The following SORCS1 variants were observed in gnomAD, a reference collection of about 807,000 sequenced individuals.
The protein encoded by SORCS1 is sortilin related VPS10 domain containing receptor 1.
Under a neutral mutation model 146.1 loss-of-function variants are expected in SORCS1, and 60 were observed. That is an observed-to-expected ratio of 0.41 (90% CI 0.33 to 0.51). The LOEUF (loss-of-function observed/expected upper bound fraction) is 0.51, where lower values mean the gene tolerates loss of function less well. Among genes scored for constraint, SORCS1 ranks in the 20% least tolerant of loss-of-function variants. The pLI, the probability that SORCS1 is intolerant of heterozygous loss-of-function variation, is 0.21. For synonymous variants in SORCS1, 637 were observed against 584.0 expected, an observed-to-expected ratio of 1.09 and a Z score of -1.31; for missense variants, 1,352 against 1,487.6, an observed-to-expected ratio of 0.91 and a Z score of 1.50.
At chr10:106,660,884 G>T (rs770245051) in intron 17 of SORCS1, among the ~76,000 whole-genome samples, 86 of 152,036 alleles carry the variant, frequency 5.7e-4, no homozygotes, top group Non-Finnish European at 1.1e-3. Flanking sequence ...ATTTCTAAAC[G>T]TACTTTATAA....
chr10:106,820,990 A>G (rs924441972), intron 3 of SORCS1, among the ~76,000 whole-genome samples: 10 of 152,252 alleles, frequency 6.6e-5, no homozygotes, highest in Non-Finnish European at 1.5e-4. Context: ...AGCTCTAATA[A>G]GGACAGATGA....
At chr10:106,731,292 CAAAAA>C (rs57238882) in intron 5 of SORCS1, among the ~76,000 whole-genome samples, 668 of 23,766 alleles carry the variant, frequency 0.028, 8 homozygotes, top group African/African-American at 0.087. Flanking sequence ...GACTCCGTCT[CAAAAA>C]AAAAAAAAAA....
At chr10:107,130,539 A>G (rs1023608302) in intron 1 of SORCS1, among the ~76,000 whole-genome samples, 1 of 152,228 alleles carries the variant, frequency 6.6e-6, no homozygotes, top group Non-Finnish European at 1.5e-5. Context: ...AAGGAGTTCA[A>G]CATCGTAACA....
Position 107,156,249 on chromosome 10 carries a change from T to C in SORCS1, c.558+7720A>G, listed in dbSNP as rs548434278. On this transcript the variant is annotated intron_variant, in intron 1 of 25. Coordinates refer to ENST00000263054, the MANE Select transcript of SORCS1 (RefSeq NM_052918.5). ...TACAAAAATAAACCCATACAAAGCA[T>C]GATTTATAGCACAAAGAGCTTTGGT... Among the ~76,000 whole-genome samples the C allele has an allele frequency of 1.2e-4, 18 of 152,312 alleles. No homozygotes were observed. In the East Asian group the frequency reaches 3.1e-3, roughly 26 times the overall value.
Position 106,577,179 on chromosome 10 carries a change from T to C in SORCS1, c.*241A>G. The C allele has an allele frequency of 6.9e-7, 1 of 1,450,710 alleles. No individual in the cohort carries two copies. Among genetic ancestry groups the C allele is most frequent in the Admixed American group, 2.0e-5 (1 of 50,958 alleles). The allele number at this position is 1,450,710 out of a possible 1,614,324, so 89.9% of individuals were successfully genotyped here. ...ATTTTGATTGTTTATATTTTATGTTTTGTTTTGTTTTTGTTTTTGTTTTTT... is the reference window on the plus strand; with the variant it reads ...ATTTTGATTGTTTATATTTTATGTTCTGTTTTGTTTTTGTTTTTGTTTTTT... On this transcript the variant is annotated 3_prime_UTR_variant, in exon 26 of 26. Coordinates refer to ENST00000263054, the MANE Select transcript of SORCS1 (RefSeq NM_052918.5).
intron 24 of SORCS1, among the ~76,000 whole-genome samples, chr10:106,587,765 T>C (rs113891558): frequency 2.6e-5 from 4 of 152,368 alleles, no homozygotes; most frequent in African/African-American, 9.6e-5. Flanking sequence ...AAGGACAGTT[T>C]TCCTGAACCG....
At chr10:107,010,731 G>A (rs1326458895) in intron 1 of SORCS1, among the ~76,000 whole-genome samples, 2 of 152,160 alleles carry the variant, frequency 1.3e-5, no homozygotes, top group South Asian at 2.1e-4. Context: ...ATAAGTTGGC[G>A]GTCCCCTTCC....
chr10:106,906,476 C>T (rs565438087), intron 2 of SORCS1, among the ~76,000 whole-genome samples: 18 of 152,186 alleles, frequency 1.2e-4, no homozygotes, highest in African/African-American at 2.9e-4. Flanking sequence ...GTCAGAATCA[C>T]GGTGGGAGGT....
At chr10:106,678,340 A>G (rs1852189879) in intron 12 of SORCS1, among the ~76,000 whole-genome samples, 1 of 152,154 alleles carries the variant, frequency 6.6e-6, no homozygotes, top group South Asian at 2.1e-4. Context: ...ATTGCTATGG[A>G]GTTTCTTATG....
intron 2 of SORCS1, among the ~76,000 whole-genome samples, chr10:106,916,898 T>C (rs928292466): frequency 1.3e-5 from 2 of 152,006 alleles, no homozygotes; most frequent in Non-Finnish European, 2.9e-5. Context: ...TACAGGCATG[T>C]GCCACCATGA....
chr10:106,976,132 CAA>C (rs765709439), intron 1 of SORCS1, among the ~76,000 whole-genome samples: 23,580 of 83,424 alleles, frequency 0.28, 2,252 homozygotes, highest in Middle Eastern at 0.43. Context: ...GACTCTGTCT[CAA>C]AAAAAAAAAA....
intron 1 of SORCS1, among the ~76,000 whole-genome samples, chr10:106,985,513 A>G (rs77999882): frequency 0.23 from 33,668 of 149,388 alleles, 4,545 homozygotes; most frequent in Middle Eastern, 0.33. Context: ...CGTGAAGTCT[A>G]TTCATGTACT....
At chr10:106,874,009 A>G (rs1950512879) in intron 2 of SORCS1, among the ~76,000 whole-genome samples, 1 of 152,182 alleles carries the variant, frequency 6.6e-6, no homozygotes, top group Non-Finnish European at 1.5e-5. Flanking sequence ...TGACCTCACA[A>G]GGTTGCTGGG....
chr10:107,049,527 G>C (rs1043935717), intron 1 of SORCS1, among the ~76,000 whole-genome samples: 43 of 152,192 alleles, frequency 2.8e-4, no homozygotes, highest in Non-Finnish European at 1.5e-5. Flanking sequence ...GGGACCTGTC[G>C]TAAGTTTAAG....
chr10:107,085,578 C>T (rs1488338893), intron 1 of SORCS1, among the ~76,000 whole-genome samples: 1 of 152,134 alleles, frequency 6.6e-6, no homozygotes, highest in Non-Finnish European at 1.5e-5. Flanking sequence ...AGATAGATGT[C>T]ACTCTGAAGA....
intron 2 of SORCS1, among the ~76,000 whole-genome samples, chr10:106,836,004 TA>T (rs5787690): frequency 2.8e-3 from 407 of 143,416 alleles, no homozygotes; most frequent in Middle Eastern, 7.4e-3. Context: ...AGACTGCGTC[TA>T]AAAAAAAAAA....
chr10:106,948,121 C>A (rs1254623324), intron 2 of SORCS1, among the ~76,000 whole-genome samples: 3 of 151,810 alleles, frequency 2.0e-5, no homozygotes, highest in Non-Finnish European at 2.9e-5. Flanking sequence ...TAGTATACTT[C>A]TATTTTCTTA....
intron 1 of SORCS1, among the ~76,000 whole-genome samples, chr10:107,073,559 A>T (rs958512500): frequency 2.6e-5 from 4 of 152,226 alleles, no homozygotes; most frequent in African/African-American, 7.2e-5. Context: ...TCTGATATGT[A>T]TTAAATCGCT....
At chr10:107,148,751 T>G (rs1968535386) in intron 1 of SORCS1, among the ~76,000 whole-genome samples, 1 of 152,180 alleles carries the variant, frequency 6.6e-6, no homozygotes, top group African/African-American at 2.4e-5. Flanking sequence ...GCCCTAAGAT[T>G]TTAATCTAAC....
Sources: gnomAD v4.1 joint callset for allele counts (sites outside exome capture counted in the v4.1 genomes callset) on GRCh38, gnomAD v4.1.1 for gene constraint, MANE v1.5 for transcripts, NCBI Gene and HGNC (gene_info 2026-07-23, HGNC 2026-07-21) for gene names.